PRKG1: variants seen among roughly 807,000 people sequenced by gnomAD.
PRKG1 encodes the protein protein kinase cGMP-dependent 1.
Under a neutral mutation model 88.1 loss-of-function variants are expected in PRKG1, and 35 were observed. The observed-to-expected ratio is 0.40, with a 90% CI of 0.30 to 0.53. The LOEUF (loss-of-function observed/expected upper bound fraction) is 0.53, where lower values mean the gene tolerates loss of function less well. Among genes scored for constraint, PRKG1 ranks in the 20% least tolerant of loss-of-function variants. PRKG1 has a pLI of 0.59. For missense variants in PRKG1, 540 were observed against 839.8 expected, an observed-to-expected ratio of 0.64 and a Z score of 4.41; for synonymous variants, 303 against 292.5, an observed-to-expected ratio of 1.04 and a Z score of -0.37.
intron 2 of PRKG1, among the ~76,000 whole-genome samples, chr10:51,196,142 CT>C (rs1031700092): frequency 4.6e-5 from 7 of 152,118 alleles, no homozygotes; most frequent in Non-Finnish European, 1.0e-4. Flanking sequence ...ATAGATTGGT[CT>C]TTAGTAGGAC....
chr10:51,310,305 A>T (rs1412285940), intron 2 of PRKG1, among the ~76,000 whole-genome samples: 1 of 152,226 alleles, frequency 6.6e-6, no homozygotes, highest in Non-Finnish European at 1.5e-5. Context: ...CAATATCTTC[A>T]TGTCCTATTG....
intron 1 of PRKG1, among the ~76,000 whole-genome samples, chr10:51,132,443 T>G (rs548772028): frequency 2.6e-3 from 400 of 152,228 alleles, no homozygotes; most frequent in Non-Finnish European, 4.2e-3. Context: ...AACTTAACAG[T>G]CAACATCTTA....
intron 2 of PRKG1, among the ~76,000 whole-genome samples, chr10:51,309,502 T>A (rs887902472): frequency 6.6e-6 from 1 of 152,122 alleles, no homozygotes; most frequent in African/African-American, 2.4e-5. Flanking sequence ...ATGCTTAACA[T>A]CACTAATCAT....
At chr10:51,460,908 A>G (rs1022740868) in intron 2 of PRKG1, among the ~76,000 whole-genome samples, 1 of 152,156 alleles carries the variant, frequency 6.6e-6, no homozygotes, top group Non-Finnish European at 1.5e-5. Context: ...GTTTCCTCAT[A>G]TAAGTTTTCT....
At chr10:52,162,890 T>A (rs1838314516) in intron 9 of PRKG1, among the ~76,000 whole-genome samples, 1 of 152,178 alleles carries the variant, frequency 6.6e-6, no homozygotes, top group Admixed American at 6.5e-5. Flanking sequence ...CTGCAATGCC[T>A]CTGCTAAGGT....
chr10:52,188,015 T>C lies in PRKG1; in HGVS notation c.1076+26052T>C, dbSNP rs79890193. On this transcript the variant is annotated intron_variant, in intron 9 of 17. Coordinates refer to ENST00000373980, the MANE Select transcript of PRKG1 (RefSeq NM_006258.4). ...GACTGCTGGAGTTATTGTAAAACAG[T>C]AGACTTTTACAATGGTTTTTAAACT... Among the ~76,000 whole-genome samples the C allele has an allele frequency of 2.2e-3, 336 of 152,122 alleles. 1 individual carries two copies. Among genetic ancestry groups the C allele is most frequent in the African/African-American group, 7.1e-3 (295 of 41,516 alleles).
At chr10:52,016,807 T>A (rs1034752872) in intron 5 of PRKG1, among the ~76,000 whole-genome samples, 5 of 152,054 alleles carry the variant, frequency 3.3e-5, no homozygotes, top group Non-Finnish European at 5.9e-5. Context: ...TGCTATATAA[T>A]AAAAATTTTT....
chr10:51,065,554 A>C (rs1311810745), intron 1 of PRKG1, among the ~76,000 whole-genome samples: 1 of 152,162 alleles, frequency 6.6e-6, no homozygotes, highest in East Asian at 1.9e-4. Flanking sequence ...TGTTACATAC[A>C]GAAAGGCTTA....
intron 7 of PRKG1, among the ~76,000 whole-genome samples, chr10:52,090,023 C>T (rs539334553): frequency 6.6e-6 from 1 of 152,010 alleles, no homozygotes; most frequent in South Asian, 2.1e-4. Context: ...CCTTGTTGGC[C>T]AGGATGGTCT....
At chr10:51,348,661 T>A (rs982385616) in intron 2 of PRKG1, among the ~76,000 whole-genome samples, 2 of 152,238 alleles carry the variant, frequency 1.3e-5, no homozygotes, top group African/African-American at 4.8e-5. Flanking sequence ...CAACCTGTAG[T>A]GAAGCTTTAA....
chr10:51,784,022 T>C (rs1422026636), intron 3 of PRKG1, among the ~76,000 whole-genome samples: 2 of 152,074 alleles, frequency 1.3e-5, no homozygotes, highest in African/African-American at 2.4e-5. Context: ...TCTCCATCCC[T>C]TTTGACATTT....
At chr10:51,602,730 ATATG>A (rs745955475) in intron 3 of PRKG1, among the ~76,000 whole-genome samples, 20 of 41,812 alleles carry the variant, frequency 4.8e-4, no homozygotes, top group Non-Finnish European at 7.1e-4. Flanking sequence ...TGATTAATAT[ATATG>A]TGTGTGTGTG....
At chr10:51,454,374 A>T (rs1289719826) in intron 2 of PRKG1, among the ~76,000 whole-genome samples, 2 of 152,144 alleles carry the variant, frequency 1.3e-5, no homozygotes, top group Non-Finnish European at 2.9e-5. Context: ...CCAAAATAGC[A>T]TGGTACTGGT....
At chr10:51,853,179 G>C (rs1840600203) in intron 4 of PRKG1, among the ~76,000 whole-genome samples, 1 of 152,106 alleles carries the variant, frequency 6.6e-6, no homozygotes, top group South Asian at 2.1e-4. Context: ...TACATCACCT[G>C]TGTACCCCAC....
At chr10:51,594,109 C>A (rs903110538) in intron 3 of PRKG1, among the ~76,000 whole-genome samples, 1 of 152,112 alleles carries the variant, frequency 6.6e-6, no homozygotes, top group Non-Finnish European at 1.5e-5. Context: ...ACTGCAGTCT[C>A]AAACTCCTGG....
intron 3 of PRKG1, among the ~76,000 whole-genome samples, chr10:51,493,490 T>C (rs184359744): frequency 2.0e-4 from 31 of 152,310 alleles, no homozygotes; most frequent in African/African-American, 7.5e-4. Context: ...CAGAAAATAT[T>C]TTTTAGCTAT....
At position 51,225,166 on chromosome 10, in the gene PRKG1, C is replaced by T. The variant is rs570885696; in HGVS notation, c.478+71836C>T. Reference sequence around the variant, plus strand: ...AAGATTCTGTGTCTGGAGGCGCTGGCGTATTTAGTGTCTGGTGAAGGCCCC... The same window carrying T: ...AAGATTCTGTGTCTGGAGGCGCTGGTGTATTTAGTGTCTGGTGAAGGCCCC... On this transcript the variant is annotated intron_variant, in intron 2 of 17. Transcript: ENST00000373980. Among the ~76,000 whole-genome samples the T allele has an allele frequency of 2.6e-5, 4 of 152,256 alleles. No homozygotes were observed. The South Asian group carries it at 6.2e-4, about 24-fold the overall frequency.
At chr10:51,972,839 A>AG (rs1335254800) in intron 5 of PRKG1, among the ~76,000 whole-genome samples, 1 of 151,944 alleles carries the variant, frequency 6.6e-6, no homozygotes, top group African/African-American at 2.4e-5. Context: ...GATTTGATAT[A>AG]GGGTTTTTTT....
At chr10:51,487,439 T>C (rs1394174193) in intron 3 of PRKG1, among the ~76,000 whole-genome samples, 1 of 152,108 alleles carries the variant, frequency 6.6e-6, no homozygotes, top group African/African-American at 2.4e-5. Context: ...CAAATAAATA[T>C]TAAGTTAGCA....
Sources: allele counts gnomAD v4.1 joint callset (sites outside exome capture counted in the v4.1 genomes callset), GRCh38; gene constraint gnomAD v4.1.1; transcripts MANE v1.5; gene names NCBI Gene and HGNC (gene_info 2026-07-23, HGNC 2026-07-21).